Variants in SASH1 observed in about 807,000 individuals in gnomAD.
SASH1 encodes the protein SAM and SH3 domain containing 1, also known as SAM and SH3 domain-containing protein 1.
In SASH1, 44 loss-of-function variants were observed where a neutral mutation model predicts 125.2. The ratio of observed to expected loss-of-function variants is 0.35; its 90% CI spans 0.28 to 0.45. SASH1 has a LOEUF of 0.45. SASH1 is among the 20% of genes least tolerant of loss of function. SASH1 has a pLI of 1.00. For synonymous variants in SASH1, 639 were observed against 649.1 expected, an observed-to-expected ratio of 0.98 and a Z score of 0.24; for missense variants, 1,426 against 1,614.5, an observed-to-expected ratio of 0.88 and a Z score of 2.00.
intron 1 of SASH1, among the ~76,000 whole-genome samples, chr6:148,315,051 C>T (rs960390504): frequency 5.9e-5 from 9 of 152,268 alleles, no homozygotes; most frequent in African/African-American, 2.2e-4. Context: ...AGCCACTGTA[C>T]TCAGCCCCGT....
the SASH1 span, among the ~76,000 whole-genome samples, chr6:148,229,785 G>A: frequency 4.8e-5 from 7 of 146,688 alleles, no homozygotes; most frequent in Non-Finnish European, 7.4e-5. Flanking sequence ...GCAATGGTGC[G>A]ATCTTGGCTT....
chr6:148,476,674 T>TC (rs940189951), intron 7 of SASH1, among the ~76,000 whole-genome samples: 1 of 150,748 alleles, frequency 6.6e-6, no homozygotes, highest in African/African-American at 2.4e-5. Flanking sequence ...TGAGAATCCA[T>TC]CCCCCCCAAC....
chr6:148,266,155 G>A, the SASH1 span, among the ~76,000 whole-genome samples: 3 of 151,896 alleles, frequency 2.0e-5, no homozygotes, highest in Admixed American at 6.6e-5. Context: ...TGTATTTTTA[G>A]TAAAGACGGG....
chr6:148,321,719 A>G (rs1780637829), intron 1 of SASH1, among the ~76,000 whole-genome samples: 1 of 152,234 alleles, frequency 6.6e-6, no homozygotes, highest in Non-Finnish European at 1.5e-5. Flanking sequence ...ACACTTAGTA[A>G]GTATTTATTG....
chr6:148,331,801 C>G (rs1353476997), intron 1 of SASH1, among the ~76,000 whole-genome samples: 3 of 152,096 alleles, frequency 2.0e-5, no homozygotes, highest in Non-Finnish European at 4.4e-5. Flanking sequence ...AGGTGATCCT[C>G]CCACCTCAGC....
At chr6:148,209,135 A>G in the SASH1 span, among the ~76,000 whole-genome samples, 1 of 152,208 alleles carries the variant, frequency 6.6e-6, no homozygotes, top group African/African-American at 2.4e-5. Context: ...ATTAATACTA[A>G]TAGAACTTAA....
rs1705812539 is a variant in SASH1 at position 148,488,102 on chromosome 6, G to A, written c.729+387G>A. Among the ~76,000 whole-genome samples the A allele has an allele frequency of 2.0e-5, 3 of 151,974 alleles. No homozygotes were observed. The South Asian group carries it at 6.2e-4, about 32-fold the overall frequency. On this transcript the variant is annotated intron_variant, in intron 8 of 19. Transcript: ENST00000367467. ...CTTCATCATTTCAAACCGAAACTCTGTTCCAATTAAACAATAACTCTCCCT... is the reference window on the plus strand; with the variant it reads ...CTTCATCATTTCAAACCGAAACTCTATTCCAATTAAACAATAACTCTCCCT...
chr6:148,230,596 C>G, the SASH1 span, among the ~76,000 whole-genome samples: 5 of 152,120 alleles, frequency 3.3e-5, no homozygotes, highest in African/African-American at 4.8e-5. Context: ...CAAAGTGCAC[C>G]CTTGCGGCAC....
At chr6:148,517,107 A>C (rs1157932778) in intron 9 of SASH1, among the ~76,000 whole-genome samples, 3 of 152,180 alleles carry the variant, frequency 2.0e-5, no homozygotes, top group Non-Finnish European at 4.4e-5. Flanking sequence ...AAAGCCTTTC[A>C]GTTCATACAG....
intron 4 of SASH1, among the ~76,000 whole-genome samples, chr6:148,446,808 T>C (rs564599591): frequency 6.6e-6 from 1 of 152,254 alleles, no homozygotes; most frequent in Non-Finnish European, 1.5e-5. Flanking sequence ...CATCTACAAA[T>C]GCAAAACTAA....
intron 1 of SASH1, among the ~76,000 whole-genome samples, chr6:148,368,590 C>T (rs1355565108): frequency 6.6e-6 from 1 of 152,046 alleles, no homozygotes; most frequent in Non-Finnish European, 1.5e-5. Context: ...TCTTTGTTAG[C>T]CATGTGGCAG....
intron 16 of SASH1, among the ~76,000 whole-genome samples, chr6:148,535,887 A>AAAAG (rs1305183757): frequency 1.3e-5 from 2 of 152,214 alleles, no homozygotes; most frequent in South Asian, 2.1e-4. Context: ...AATGGTGGAA[A>AAAAG]AAAGAATTAT....
chr6:148,548,570 A>T lies in SASH1; in HGVS notation c.*12A>T. 1 of 1,582,004 alleles carries T rather than the reference A, an allele frequency of 6.3e-7. No individual in the cohort carries two copies. Among genetic ancestry groups the T allele is most frequent in the Non-Finnish European group, 8.6e-7 (1 of 1,165,706 alleles). ...CTGAGGCCATGTAGCCAGGCCCGGA[A>T]TGGGCCTCTCTGGACAAGAGCCACC... On this transcript the variant is annotated 3_prime_UTR_variant, in exon 20 of 20. Coordinates refer to ENST00000367467, the MANE Select transcript of SASH1 (RefSeq NM_015278.5).
At chr6:148,536,870 A>C (rs558034465) in intron 16 of SASH1, among the ~76,000 whole-genome samples, 4 of 152,318 alleles carry the variant, frequency 2.6e-5, no homozygotes, top group Admixed American at 2.0e-4. Flanking sequence ...AAGGTGAAGA[A>C]GACCTCTTTG....
chr6:148,546,757 A>G (rs1782595961), intron 19 of SASH1, among the ~76,000 whole-genome samples: 1 of 152,156 alleles, frequency 6.6e-6, no homozygotes, highest in African/African-American at 2.4e-5. Context: ...AATACACACA[A>G]TTTTTACTTG....
chr6:148,433,080 G>T (rs1037895713), intron 2 of SASH1, among the ~76,000 whole-genome samples: 14 of 151,958 alleles, frequency 9.2e-5, no homozygotes, highest in African/African-American at 3.4e-4. Context: ...TTTTGTTGTT[G>T]GATTTATTTA....
intron 1 of SASH1, among the ~76,000 whole-genome samples, chr6:148,304,389 C>T (rs1203910373): frequency 7.3e-5 from 11 of 150,194 alleles, no homozygotes; most frequent in African/African-American, 2.2e-4. Flanking sequence ...GAGCCAAGAT[C>T]GCGCCACTGC....
At chr6:148,387,566 C>CTCTTTCTTTCTT (rs1157034465) in intron 1 of SASH1, among the ~76,000 whole-genome samples, 10 of 70,088 alleles carry the variant, frequency 1.4e-4, no homozygotes, top group Non-Finnish European at 2.0e-4. Context: ...TCTTTCTTTT[C>CTCTTTCTTTCTT]TCTTTCTTTC....
the SASH1 span, among the ~76,000 whole-genome samples, chr6:148,262,441 C>G: frequency 8.4e-3 from 1,278 of 152,220 alleles, 21 homozygotes; most frequent in African/African-American, 0.029. Context: ...CATTTCCAAG[C>G]CAGTTCTCAG....
Sources: allele counts gnomAD v4.1 joint callset (sites outside exome capture counted in the v4.1 genomes callset), GRCh38; gene constraint gnomAD v4.1.1; transcripts MANE v1.5; gene names NCBI Gene and HGNC (gene_info 2026-07-23, HGNC 2026-07-21).